Variants in ZHX3 observed in about 807,000 individuals in gnomAD.
ZHX3 encodes zinc fingers and homeoboxes 3.
In ZHX3, 20 loss-of-function variants were observed where a neutral mutation model predicts 64.5. The ratio of observed to expected loss-of-function variants is 0.31; its 90% CI spans 0.22 to 0.45. The LOEUF is 0.45. ZHX3 is among the 20% of genes least tolerant of loss of function. ZHX3 has a pLI of 1.00. For missense variants in ZHX3, 1,041 were observed against 1,195.8 expected (o/e 0.87, Z 1.91); for synonymous variants, 423 against 461.6 (o/e 0.92, Z 1.07).
chr20:41,211,905 T>A (rs2039184015), intron 2 of ZHX3, among the ~76,000 whole-genome samples: 1 of 152,220 alleles, frequency 6.6e-6, no homozygotes, highest in South Asian at 2.1e-4. Context: ...TTAAATCAAG[T>A]GCTTTATGAT....
At chr20:41,216,604 T>C (rs2039552415) in intron 2 of ZHX3, among the ~76,000 whole-genome samples, 1 of 152,238 alleles carries the variant, frequency 6.6e-6, no homozygotes, top group Non-Finnish European at 1.5e-5. Context: ...GGATGCATCA[T>C]AGTTTATTTA....
intron 1 of ZHX3, among the ~76,000 whole-genome samples, chr20:41,287,400 C>T (rs2043990562): frequency 6.6e-6 from 1 of 152,176 alleles, no homozygotes; most frequent in Non-Finnish European, 1.5e-5. Context: ...TAGGCAGGCT[C>T]TAAGATGGCC....
At chr20:41,196,278 A>AAT (rs2037481320) in intron 3 of ZHX3, among the ~76,000 whole-genome samples, 2 of 125,188 alleles carry the variant, frequency 1.6e-5, no homozygotes, top group Admixed American at 2.2e-4. Flanking sequence ...ATATATATAT[A>AAT]ATATATATAA....
At chr20:41,240,279 T>C (rs1439072407) in intron 2 of ZHX3, among the ~76,000 whole-genome samples, 2 of 152,204 alleles carry the variant, frequency 1.3e-5, no homozygotes, top group East Asian at 1.9e-4. Flanking sequence ...AATCATATCA[T>C]AATCCAGTGA....
rs1231539234 is a variant in ZHX3, at chr20:41,204,534, T to C, written c.383A>G (p.Asn128Ser). Residue 128 changes from asparagine (N) to serine (S), a missense_variant, in exon 3 of 4, where the codon AAT becomes AGT. Asn to Ser is a conservative substitution (Grantham distance 46). Coordinates refer to ENST00000683867, the MANE Select transcript of ZHX3 (RefSeq NM_001384317.1). This position sits in a 1 kb window ranked among gnomAD's most constrained non-coding sequence, Gnocchi z 6.6. ...GGCTTCCCCGGAGTGACATGTGGCA[T>C]TGTGCAAGGAAAGCCCCTCAGGGGT... ...AKTPEGLSLH[N>S]ATCHSGEASF... 1.2e-6 allele frequency: 2 copies of C among 1,614,196 alleles called. No homozygotes were observed. The highest frequency in any genetic ancestry group is 1.7e-6 in the Non-Finnish European group (2 of 1,180,038).
intron 2 of ZHX3, among the ~76,000 whole-genome samples, chr20:41,266,272 GGAGT>G (rs1242797578): frequency 3.3e-5 from 5 of 152,132 alleles, no homozygotes; most frequent in African/African-American, 4.8e-5. Context: ...GAGGTAAGCT[GGAGT>G]TAGTCAAGAT....
intron 2 of ZHX3, among the ~76,000 whole-genome samples, chr20:41,236,389 A>G (rs2040992488): frequency 6.6e-6 from 1 of 152,226 alleles, no homozygotes; most frequent in Non-Finnish European, 1.5e-5. Context: ...GGCTACAGTA[A>G]CCAAAACAGC....
intron 1 of ZHX3, among the ~76,000 whole-genome samples, chr20:41,292,381 G>T (rs1190749753): frequency 1.3e-5 from 2 of 152,160 alleles, no homozygotes; most frequent in African/African-American, 4.8e-5. Flanking sequence ...ATGCTTTGTT[G>T]TCTAAACTTC....
In ZHX3 at chr20:41,195,624, CA is replaced by C. The variant is rs1420778112; in HGVS notation, c.2860+6432del. 2.0e-5 allele frequency among the ~76,000 whole-genome samples: 3 copies of C among 152,162 alleles called. No individual in the cohort carries two copies. Among genetic ancestry groups the C allele is most frequent in the Admixed American group, 6.5e-5 (1 of 15,280 alleles). ...AGAGACAGGGTTTCACTATGTTGGC[CA>C]GGCTGGTCTCGAACTCCTGACCTCA... is the stretch of plus-strand genomic sequence containing the variant. On this transcript the variant is annotated intron_variant, in intron 3 of 3. Transcript: ENST00000683867. The surrounding 1 kb of genome is among the most constrained non-coding windows in gnomAD (Gnocchi z 4.2).
chr20:41,258,987 C>G (rs1167734596), intron 2 of ZHX3, among the ~76,000 whole-genome samples: 2 of 151,444 alleles, frequency 1.3e-5, no homozygotes, highest in Non-Finnish European at 3.0e-5. Flanking sequence ...TTTTACTTTT[C>G]TTCTGCTTAT....
chr20:41,204,213 C>A lies in ZHX3; in HGVS notation c.704G>T (p.Gly235Val). The change falls in exon 3 of 4, where the codon GGG becomes GTG. Residue 235 changes from glycine to valine, a missense_variant. Around this residue, in one of 4 missense-constraint regions of ZHX3, gnomAD observed 358 missense variants for 369.1 expected, o/e 0.97. Transcript: ENST00000683867. This position sits in a 1 kb window ranked among gnomAD's most constrained non-coding sequence, Gnocchi z 6.6. ...VREGDHSFIN[G>V]AVPVSQASAS... ...AGATGCCTGGCTGACTGGAACTGCC[C>A]CATTGATGAAGGAATGGTCCCCCTC... The A allele has an allele frequency of 6.2e-7, 1 of 1,612,570 alleles. No individual in the cohort carries two copies. Among genetic ancestry groups the A allele is most frequent in the Non-Finnish European group, 8.5e-7 (1 of 1,179,228 alleles).
chr20:41,253,133 CAAG>C (rs1047004048), intron 2 of ZHX3, among the ~76,000 whole-genome samples: 9 of 151,574 alleles, frequency 5.9e-5, no homozygotes, highest in African/African-American at 1.5e-4. Flanking sequence ...AAAGTACCAA[CAAG>C]AAGAGGAAAC....
At chr20:41,264,067 T>G (rs370357024) in intron 2 of ZHX3, among the ~76,000 whole-genome samples, 2 of 152,210 alleles carry the variant, frequency 1.3e-5, no homozygotes, top group South Asian at 2.1e-4. Context: ...TGTAAAATTC[T>G]AACACTGGCA....
chr20:41,234,699 T>TG (rs778197874), intron 2 of ZHX3, among the ~76,000 whole-genome samples: 4 of 152,244 alleles, frequency 2.6e-5, no homozygotes, highest in Non-Finnish European at 4.4e-5. Context: ...TACAGCCCTT[T>TG]GGTTACTGGC....
chr20:41,196,426 T>TA (rs60371037), intron 3 of ZHX3, among the ~76,000 whole-genome samples: 2 of 49,848 alleles, frequency 4.0e-5, no homozygotes, highest in Non-Finnish European at 7.0e-5. Context: ...TAATATATAT[T>TA]TATATAAATA....
Position 41,248,073 on chromosome 20 carries a change from A to C in ZHX3, c.-151+20917T>G, listed in dbSNP as rs868152228. The stretch of plus-strand genomic sequence containing the variant: ...CTACTCGTTTCCCTCCTTATACTTT[A>C]CACCCAAGCGTAAATCTACTTATAG... On this transcript the variant is annotated intron_variant, in intron 2 of 3. Coordinates refer to ENST00000683867, the MANE Select transcript of ZHX3 (RefSeq NM_001384317.1). Among the ~76,000 whole-genome samples, 42 of 152,292 alleles carry C rather than the reference A, an allele frequency of 2.8e-4. No homozygotes were observed. In the Middle Eastern group the frequency reaches 0.01, roughly 37 times the overall value.
intron 2 of ZHX3, among the ~76,000 whole-genome samples, chr20:41,215,824 C>A (rs373965178): frequency 0.072 from 10,490 of 146,398 alleles, 402 homozygotes; most frequent in Middle Eastern, 0.18. Context: ...TTATGGCGGG[C>A]GCCTGTAGTC....
At chr20:41,301,922 C>T (rs1318294596) in intron 1 of ZHX3, among the ~76,000 whole-genome samples, 2 of 150,638 alleles carry the variant, frequency 1.3e-5, no homozygotes, top group Admixed American at 6.6e-5. Flanking sequence ...GGCGTAGTGG[C>T]GGGCGCCTGT....
At position 41,217,790 on chromosome 20, in the gene ZHX3, A is replaced by G. The variant is rs549160679; in HGVS notation, c.-150-12724T>C. On this transcript the variant is annotated intron_variant, in intron 2 of 3. Transcript: ENST00000683867. Reference sequence around the variant, plus strand: ...AGTATTGAGGAGCTATCGAGCAAGAAAGGGGAGGTGATATGACCAGTCACA... The same window carrying G: ...AGTATTGAGGAGCTATCGAGCAAGAGAGGGGAGGTGATATGACCAGTCACA... Among the ~76,000 whole-genome samples the G allele has an allele frequency of 4.9e-4, 74 of 152,334 alleles. 1 individual carries two copies. The highest frequency in any genetic ancestry group is 1.8e-3 in the African/African-American group (74 of 41,576).
Sources: allele counts gnomAD v4.1 joint callset (sites outside exome capture counted in the v4.1 genomes callset), GRCh38; gene constraint gnomAD v4.1.1; regional missense constraint gnomAD v4.1.1; non-coding constraint Gnocchi (gnomAD v3.1); transcripts MANE v1.5; gene names NCBI Gene and HGNC (gene_info 2026-07-23, HGNC 2026-07-21).